Variants in AMN1 observed in about 807,000 individuals in gnomAD.
The protein encoded by AMN1 is protein AMN1 homolog.
AMN1 carries 20 observed loss-of-function variants against 33.0 expected under a neutral mutation model. That is an observed-to-expected ratio of 0.61 (90% CI 0.43 to 0.88). The LOEUF is 0.88. Among genes scored for constraint, AMN1 ranks in the 40% least tolerant of loss-of-function variants. The pLI is 0.00. For synonymous variants in AMN1, 114 were observed against 111.9 expected (o/e 1.02, Z -0.12); for missense variants, 246 against 307.4 (o/e 0.80, Z 1.49).
At chr12:31,700,192 C>T (rs567298604) in intron 3 of AMN1, among the ~76,000 whole-genome samples, 21 of 149,026 alleles carry the variant, frequency 1.4e-4, no homozygotes, top group Admixed American at 6.0e-4. Context: ...AGTGAGACCT[C>T]GTCTCTACTA....
rs188116562 is a variant in AMN1 at position 31,677,249 on chromosome 12, G to A, written c.704-4872C>T. Among the ~76,000 whole-genome samples, 20 of 152,218 alleles carry A rather than the reference G, an allele frequency of 1.3e-4. No individual in the cohort carries two copies. The East Asian group carries it at 3.7e-3, about 28-fold the overall frequency. On this transcript the variant is annotated intron_variant, in intron 6 of 6. Transcript: ENST00000281471. Reference sequence around the variant, plus strand: ...TGGGAGGCGGAGCTTGCAGTGAGCCGAGATCGCGCCACTGCACTCCAGCCT... The same window carrying A: ...TGGGAGGCGGAGCTTGCAGTGAGCCAAGATCGCGCCACTGCACTCCAGCCT...
intron 6 of AMN1, among the ~76,000 whole-genome samples, chr12:31,682,952 G>C (rs1038755792): frequency 5.3e-5 from 8 of 149,938 alleles, no homozygotes; most frequent in African/African-American, 7.4e-5. Context: ...ATTTGAAAGG[G>C]GTATGCTATT....
At chr12:31,715,468 G>T in intron 1 of AMN1, 1 of 187,748 alleles carries the variant, frequency 5.3e-6, no homozygotes. Context: ...CTCTTTGTTA[G>T]CTTCCATTTT....
intron 5 of AMN1, among the ~76,000 whole-genome samples, chr12:31,696,743 A>G (rs1938743327): frequency 1.3e-5 from 2 of 151,978 alleles, no homozygotes; most frequent in African/African-American, 4.8e-5. Flanking sequence ...CCTGGCCAAC[A>G]CGGTGAAACC....
intron 1 of AMN1, among the ~76,000 whole-genome samples, chr12:31,717,807 A>G (rs1939733810): frequency 6.6e-6 from 1 of 152,042 alleles, no homozygotes; most frequent in African/African-American, 2.4e-5. Flanking sequence ...GCCCCTATCA[A>G]CCTGTCATCT....
chr12:31,725,870 T>C (rs1381614786), intron 1 of AMN1, among the ~76,000 whole-genome samples: 1 of 152,106 alleles, frequency 6.6e-6, no homozygotes, highest in Non-Finnish European at 1.5e-5. Flanking sequence ...TAATTTTTTT[T>C]GTATTTTTGG....
rs532292966 is a variant in AMN1 at position 31,678,719 on chromosome 12, A to G, written c.704-6342T>C. ...GGCCAAAGAATACAAACTTTTAACA[A>G]AGTATTTTTTTCAAATGTTCAAAGG... is the stretch of plus-strand genomic sequence containing the variant. On this transcript the variant is annotated intron_variant, in intron 6 of 6. Coordinates refer to ENST00000281471, the MANE Select transcript of AMN1 (RefSeq NM_001113402.2). Among the ~76,000 whole-genome samples the G allele has an allele frequency of 5.9e-5, 9 of 152,278 alleles. No homozygotes were observed. The South Asian group carries it at 1.9e-3, about 32-fold the overall frequency.
chr12:31,705,155 A>G lies in AMN1; in HGVS notation c.172-3148T>C, dbSNP rs74085164. Reference sequence around the variant, plus strand: ...AGGTTAATGCAGAAGAAACATTAAAAACAGGTTAAAGTGCAATTCCAATGT... The same window carrying G: ...AGGTTAATGCAGAAGAAACATTAAAGACAGGTTAAAGTGCAATTCCAATGT... On this transcript the variant is annotated intron_variant, in intron 2 of 6. Coordinates refer to ENST00000281471, the MANE Select transcript of AMN1 (RefSeq NM_001113402.2). Among the ~76,000 whole-genome samples, 1,272 of 152,306 alleles carry G rather than the reference A, an allele frequency of 8.4e-3. 17 individuals are homozygous for G. Among genetic ancestry groups the G allele is most frequent in the African/African-American group, 0.029 (1,200 of 41,562 alleles).
chr12:31,706,311 C>CAAAAAA (rs3032986), intron 2 of AMN1, among the ~76,000 whole-genome samples: 2 of 66,026 alleles, frequency 3.0e-5, no homozygotes, highest in Non-Finnish European at 6.1e-5. Context: ...GACTCCGTCT[C>CAAAAAA]AAAAAAAAAA....
chr12:31,690,308 TTTTAGTTA>T (rs1204998622), intron 5 of AMN1, among the ~76,000 whole-genome samples: 1 of 152,236 alleles, frequency 6.6e-6, no homozygotes, highest in African/African-American at 2.4e-5. Context: ...GTACTTCTAC[TTTTAGTTA>T]TTTAAAGAAT....
At chr12:31,709,152 G>A (rs760545510) in intron 2 of AMN1, 141 bp downstream of exon 2, 5 of 926,908 alleles carry the variant, frequency 5.4e-6, no homozygotes, top group East Asian at 5.5e-5. Context: ...TCCAGCCTGG[G>A]CAACGGAGCA....
At chr12:31,720,872 A>C (rs139463147) in intron 1 of AMN1, among the ~76,000 whole-genome samples, 154 of 152,368 alleles carry the variant, frequency 1.0e-3, no homozygotes, top group African/African-American at 3.5e-3. Flanking sequence ...TGCTGCTATG[A>C]ACATTCATGT....
At chr12:31,729,142 C>T (rs1279142627), upstream of AMN1, 28 of 1,006,198 alleles carry the variant, frequency 2.8e-5, no homozygotes, top group Non-Finnish European at 3.8e-5. Flanking sequence ...GTGACCGGGG[C>T]GTGGCCACGC....
At chr12:31,713,756 G>T (rs1444183346) in intron 1 of AMN1, among the ~76,000 whole-genome samples, 1 of 152,098 alleles carries the variant, frequency 6.6e-6, no homozygotes, top group African/African-American at 2.4e-5. Context: ...TGCTGAGGTG[G>T]GAGGATTGTT....
intron 1 of AMN1, among the ~76,000 whole-genome samples, chr12:31,727,806 C>T (rs960620565): frequency 6.6e-6 from 1 of 152,236 alleles, no homozygotes; most frequent in Non-Finnish European, 1.5e-5. Flanking sequence ...GATCTCAGCT[C>T]ACTGCAACCT....
intron 1 of AMN1, among the ~76,000 whole-genome samples, chr12:31,717,017 T>C (rs1381650308): frequency 1.3e-5 from 2 of 152,180 alleles, no homozygotes; most frequent in African/African-American, 4.8e-5. Context: ...CTGATTTTTT[T>C]TTTTACATTT....
intron 1 of AMN1, among the ~76,000 whole-genome samples, chr12:31,721,216 C>T (rs769260194): frequency 3.3e-5 from 5 of 152,022 alleles, no homozygotes; most frequent in Non-Finnish European, 5.9e-5. Flanking sequence ...TATCAAGGAC[C>T]GTGGAGTAAA....
At chr12:31,703,056 T>C (rs1000805292) in intron 2 of AMN1, among the ~76,000 whole-genome samples, 11 of 151,654 alleles carry the variant, frequency 7.3e-5, no homozygotes, top group African/African-American at 2.7e-4. Context: ...TTATTTAATA[T>C]TCTCTCTCTC....
chr12:31,708,422 T>G (rs1047857261), intron 2 of AMN1: 1 of 152,256 alleles, frequency 6.6e-6, no homozygotes, highest in Non-Finnish European at 1.5e-5. Flanking sequence ...CCTGGTAAAT[T>G]TGAGGTCAGA....
Sources: gnomAD v4.1 joint callset for allele counts (sites outside exome capture counted in the v4.1 genomes callset) on GRCh38, gnomAD v4.1.1 for gene constraint, MANE v1.5 for transcripts, NCBI Gene and HGNC (gene_info 2026-07-23, HGNC 2026-07-21) for gene names.